The following SIMC1 variants were observed in gnomAD, a reference collection of about 807,000 sequenced individuals.
SIMC1 encodes the protein SUMO interacting motifs containing 1.
SIMC1 carries 55 observed loss-of-function variants against 82.3 expected under a neutral mutation model. That is an observed-to-expected ratio of 0.67 (90% CI 0.54 to 0.84). The LOEUF (loss-of-function observed/expected upper bound fraction) is 0.84, where lower values mean the gene tolerates loss of function less well. Among genes scored for constraint, SIMC1 ranks in the 40% least tolerant of loss-of-function variants. The pLI is 0.00. For missense variants in SIMC1, 915 were observed against 1,107.2 expected (o/e 0.83, Z 2.46); for synonymous variants, 353 against 426.3 (o/e 0.83, Z 2.12).
chr5:176,262,222 A>G (rs1395792471), intron 1 of SIMC1, among the ~76,000 whole-genome samples: 5 of 151,720 alleles, frequency 3.3e-5, no homozygotes, highest in African/African-American at 1.2e-4. Context: ...TAAAGAAGAG[A>G]AATCACATGA....
At chr5:176,301,355 A>G (rs1447551487) in intron 4 of SIMC1, among the ~76,000 whole-genome samples, 1 of 152,168 alleles carries the variant, frequency 6.6e-6, no homozygotes, top group African/African-American at 2.4e-5. Context: ...GCCTTTTGCC[A>G]TGATTGTGAG....
chr5:176,321,491 T>C (rs1209303077), intron 5 of SIMC1, among the ~76,000 whole-genome samples: 1 of 152,158 alleles, frequency 6.6e-6, no homozygotes, highest in African/African-American at 2.4e-5. Context: ...CTTCTCTTCT[T>C]CCTTGTGGAT....
At chr5:176,246,257 A>C (rs1345612853) in intron 1 of SIMC1, among the ~76,000 whole-genome samples, 2 of 151,660 alleles carry the variant, frequency 1.3e-5, no homozygotes, top group Non-Finnish European at 2.9e-5. Flanking sequence ...TGATCCACCC[A>C]CCTCGACCTC....
chr5:176,309,016 CA>C (rs1331605846), intron 4 of SIMC1: 2 of 793,842 alleles, frequency 2.5e-6, no homozygotes. Context: ...TGGAATAAAG[CA>C]GGAGACAAAA....
intron 4 of SIMC1, among the ~76,000 whole-genome samples, chr5:176,310,385 C>A (rs914907622): frequency 1.3e-5 from 2 of 152,238 alleles, no homozygotes; most frequent in Non-Finnish European, 2.9e-5. Flanking sequence ...TTTGTAATAG[C>A]CCCAAACTGG....
At chr5:176,294,860 G>C in intron 2 of SIMC1, 170 bp from the exon 3 acceptor site, 1 of 907,574 alleles carries the variant, frequency 1.1e-6, no homozygotes, top group Non-Finnish European at 1.6e-6. Flanking sequence ...AGCTACTCTG[G>C]AGGCTGAGGC....
At chr5:176,262,279 T>TAAAAAAAAAAAAAAAAAAA (rs58312244) in intron 1 of SIMC1, among the ~76,000 whole-genome samples, 1 of 133,912 alleles carries the variant, frequency 7.5e-6, no homozygotes, top group Non-Finnish European at 1.6e-5. Context: ...ATTCATGATT[T>TAAAAAAAAAAAAAAAAAAA]AAAAAAAAAA....
At chr5:176,310,126 A>T (rs1209685146) in intron 4 of SIMC1, among the ~76,000 whole-genome samples, 2 of 152,204 alleles carry the variant, frequency 1.3e-5, no homozygotes, top group East Asian at 3.8e-4. Flanking sequence ...ACTTATCTGA[A>T]TGGCTAAAGA....
intron 1 of SIMC1, among the ~76,000 whole-genome samples, chr5:176,285,145 G>A (rs1763210160): frequency 1.3e-5 from 2 of 152,152 alleles, no homozygotes; most frequent in South Asian, 2.1e-4. Flanking sequence ...TATGAGGCCA[G>A]CATCATCCTG....
At chr5:176,308,535 A>C in intron 4 of SIMC1, 4 of 1,603,914 alleles carry the variant, frequency 2.5e-6, no homozygotes, top group Non-Finnish European at 3.4e-6. Context: ...TTCCTGTTTC[A>C]TAGAAGATAA....
chr5:176,252,694 G>C (rs1036880212), intron 1 of SIMC1, among the ~76,000 whole-genome samples: 1 of 151,036 alleles, frequency 6.6e-6, no homozygotes, highest in African/African-American at 2.4e-5. Context: ...CCTCCCAGAC[G>C]ATGGGCGGCC....
intron 9 of SIMC1, among the ~76,000 whole-genome samples, chr5:176,343,016 T>A (rs910554460): frequency 6.6e-6 from 1 of 152,224 alleles, no homozygotes; most frequent in Non-Finnish European, 1.5e-5. Flanking sequence ...CACTTCCATC[T>A]CAAGGCAGCT....
At chr5:176,256,745 T>C (rs1158909707) in intron 1 of SIMC1, among the ~76,000 whole-genome samples, 1 of 152,188 alleles carries the variant, frequency 6.6e-6, no homozygotes, top group African/African-American at 2.4e-5. Context: ...TTTTCTCCAA[T>C]TATTTGTAAC....
chr5:176,328,210 T>A (rs1015759364), intron 7 of SIMC1, among the ~76,000 whole-genome samples: 1 of 152,154 alleles, frequency 6.6e-6, no homozygotes, highest in Admixed American at 6.5e-5. Context: ...CCTTATGAAC[T>A]GAATTCTAAA....
intron 1 of SIMC1, among the ~76,000 whole-genome samples, chr5:176,246,452 T>C (rs1291461249): frequency 7.7e-6 from 1 of 129,518 alleles, no homozygotes; most frequent in Non-Finnish European, 1.7e-5. Flanking sequence ...GTGTGTGTTG[T>C]TTGTTTGTTT....
At chr5:176,341,727 A>G (rs1452917904) in intron 9 of SIMC1, among the ~76,000 whole-genome samples, 1 of 152,000 alleles carries the variant, frequency 6.6e-6, no homozygotes, top group Middle Eastern at 3.2e-3. Context: ...CAGGTTTGAC[A>G]TATTAGGTAG....
chr5:176,295,336 A>G, intron 3 of SIMC1, 74 bp downstream of exon 3: 1 of 1,495,714 alleles, frequency 6.7e-7, no homozygotes, highest in Non-Finnish European at 8.9e-7. Context: ...TTCTCTTGAC[A>G]GGCTTTTTTA....
intron 1 of SIMC1, among the ~76,000 whole-genome samples, chr5:176,277,376 A>C (rs1386759102): frequency 6.6e-6 from 1 of 151,678 alleles, no homozygotes; most frequent in Admixed American, 6.6e-5. Flanking sequence ...GGGTTGCAAA[A>C]ATTTTCTCCC....
chr5:176,336,864 G>C lies in SIMC1; in HGVS notation c.2316G>C (p.Leu772=), dbSNP rs1361393024. The C allele has an allele frequency of 1.9e-6, 3 of 1,613,830 alleles. No homozygotes were observed. Among genetic ancestry groups the C allele is most frequent in the South Asian group, 2.2e-5 (2 of 91,082 alleles). ...ACTTTCTGAATAATTCTACGTCACTGCTCAAGTGTCAGGTACATTTTTTCC... is the reference window on the plus strand; with the variant it reads ...ACTTTCTGAATAATTCTACGTCACTCCTCAAGTGTCAGGTACATTTTTTCC... ...ALYFLNNSTS[L]LKCQSDKSQW... The change falls in exon 8 of 10, where the codon CTG becomes CTC. Residue 772 remains leucine, a synonymous_variant. Transcript: ENST00000429602.
Sources: allele counts gnomAD v4.1 joint callset (sites outside exome capture counted in the v4.1 genomes callset), GRCh38; gene constraint gnomAD v4.1.1; transcripts MANE v1.5; gene names NCBI Gene and HGNC (gene_info 2026-07-23, HGNC 2026-07-21).